CALN1: variants seen among roughly 807,000 people sequenced by gnomAD.
CALN1 encodes calneuron 1.
In CALN1, 17 loss-of-function variants were observed where a neutral mutation model predicts 30.6. The observed-to-expected ratio is 0.56, with a 90% CI of 0.38 to 0.83. The LOEUF is 0.83. Ranked by LOEUF, CALN1 falls within the 40% of genes least tolerant of loss-of-function variation. The pLI is 0.00. For missense variants in CALN1, 291 were observed against 354.9 expected (o/e 0.82, Z 1.45); for synonymous variants, 156 against 131.4 (o/e 1.19, Z -1.28).
intron 5 of CALN1, among the ~76,000 whole-genome samples, chr7:71,971,499 C>G (rs538692918): frequency 6.6e-6 from 1 of 152,052 alleles, no homozygotes; most frequent in Non-Finnish European, 1.5e-5. Context: ...TTACTGAGAC[C>G]CTTGTATGTG....
intron 5 of CALN1, among the ~76,000 whole-genome samples, chr7:71,993,503 C>CT (rs1158435966): frequency 2.0e-5 from 3 of 149,826 alleles, no homozygotes; most frequent in African/African-American, 7.4e-5. Context: ...GTCACCCAGG[C>CT]TGGAGTGCAG....
intron 2 of CALN1, among the ~76,000 whole-genome samples, chr7:72,387,619 T>TA (rs1805315022): frequency 6.6e-6 from 1 of 152,142 alleles, no homozygotes; most frequent in African/African-American, 2.4e-5. Flanking sequence ...CACCCCAGTC[T>TA]AATCATGAGA....
chr7:71,790,359 G>GA (rs1171132315), intron 6 of CALN1, among the ~76,000 whole-genome samples: 3 of 95,460 alleles, frequency 3.1e-5, no homozygotes, highest in Middle Eastern at 5.2e-3. Context: ...AAGAAAGAAA[G>GA]AAAGAAAGAA....
intron 4 of CALN1, among the ~76,000 whole-genome samples, chr7:72,028,478 A>G (rs763899356): frequency 4.2e-4 from 64 of 152,206 alleles, no homozygotes; most frequent in Non-Finnish European, 7.9e-4. Context: ...CAAAGGGAGC[A>G]GCTCATTTGC....
intron 3 of CALN1, among the ~76,000 whole-genome samples, chr7:72,142,834 C>T (rs1222504305): frequency 2.0e-5 from 3 of 152,152 alleles, no homozygotes; most frequent in Admixed American, 1.3e-4. Context: ...CGCTGTTCTG[C>T]AGCCTCCGCT....
intron 2 of CALN1, among the ~76,000 whole-genome samples, chr7:72,343,091 G>T (rs1173313260): frequency 6.6e-6 from 1 of 152,172 alleles, no homozygotes. Context: ...CTGGCTTTGG[G>T]ATTGAGCAAT....
chr7:71,811,200 T>G (rs1787935356), intron 5 of CALN1, among the ~76,000 whole-genome samples: 1 of 151,852 alleles, frequency 6.6e-6, no homozygotes, highest in Non-Finnish European at 1.5e-5. Context: ...CCCGGCCTAA[T>G]TATGTATCGT....
At chr7:71,798,615 C>CTTTT (rs34161533) in intron 6 of CALN1, among the ~76,000 whole-genome samples, 12 of 114,822 alleles carry the variant, frequency 1.0e-4, no homozygotes, top group African/African-American at 2.8e-4. Context: ...TGGTAAGAGT[C>CTTTT]TTTTTTTTTT....
intron 5 of CALN1, among the ~76,000 whole-genome samples, chr7:71,818,518 GTTTGTT>G (rs1043397259): frequency 4.6e-5 from 7 of 151,880 alleles, no homozygotes; most frequent in African/African-American, 1.7e-4. Context: ...ATTGTATTTT[GTTTGTT>G]TTTATTTTTT....
the CALN1 span, among the ~76,000 whole-genome samples, chr7:72,497,004 T>C: frequency 1.5e-4 from 23 of 152,278 alleles, no homozygotes; most frequent in African/African-American, 4.3e-4. Flanking sequence ...AAAATCCTTA[T>C]GTAAGTACGC....
chr7:72,367,275 C>A (rs1032882460), intron 2 of CALN1, among the ~76,000 whole-genome samples: 16 of 151,872 alleles, frequency 1.1e-4, no homozygotes, highest in Non-Finnish European at 2.2e-4. Context: ...CTGCTTGAGG[C>A]CAGGAGTTCG....
intron 3 of CALN1, among the ~76,000 whole-genome samples, chr7:72,252,130 G>A (rs574549862): frequency 5.9e-5 from 9 of 152,138 alleles, no homozygotes; most frequent in Admixed American, 2.0e-4. Flanking sequence ...GACTCAACAC[G>A]TTCAATACTG....
chr7:72,334,766 CA>C (rs1396911482), intron 2 of CALN1, among the ~76,000 whole-genome samples: 1 of 152,188 alleles, frequency 6.6e-6, no homozygotes, highest in Non-Finnish European at 1.5e-5. Flanking sequence ...ATTGGATTTC[CA>C]AAGAGTTTTG....
chr7:72,309,682 C>T (rs1299276706), intron 2 of CALN1, among the ~76,000 whole-genome samples: 3 of 152,082 alleles, frequency 2.0e-5, no homozygotes, highest in Admixed American at 6.5e-5. Flanking sequence ...CAAGGTCCCC[C>T]GCTGTGCACT....
At chr7:71,840,499 A>G (rs1789875141) in intron 5 of CALN1, among the ~76,000 whole-genome samples, 1 of 151,284 alleles carries the variant, frequency 6.6e-6, no homozygotes, top group East Asian at 1.9e-4. Context: ...AAAAAAAAAA[A>G]AAAAAAAAAA....
chr7:71,817,441 AC>A (rs1788330278), intron 5 of CALN1, among the ~76,000 whole-genome samples: 1 of 152,190 alleles, frequency 6.6e-6, no homozygotes, highest in African/African-American at 2.4e-5. Context: ...ATTTTTGGAA[AC>A]CTAAGGAATT....
chr7:72,265,601 G>A (rs1021824375), intron 3 of CALN1, among the ~76,000 whole-genome samples: 3 of 152,012 alleles, frequency 2.0e-5, no homozygotes, highest in Admixed American at 1.3e-4. Context: ...ATGCATTTCT[G>A]TTGAAAATGA....
At chr7:72,014,155 C>G (rs1190594697) in intron 5 of CALN1, among the ~76,000 whole-genome samples, 1 of 146,718 alleles carries the variant, frequency 6.8e-6, no homozygotes, top group Admixed American at 6.9e-5. Context: ...GGCTTGGTCT[C>G]AGCTCACTGC....
chr7:71,870,941 G>A (rs1439594233), intron 5 of CALN1, among the ~76,000 whole-genome samples: 3 of 152,122 alleles, frequency 2.0e-5, no homozygotes, highest in African/African-American at 7.2e-5. Flanking sequence ...ACTTCCTATA[G>A]GCAAGGGACG....
Sources: allele counts gnomAD v4.1 joint callset (sites outside exome capture counted in the v4.1 genomes callset), GRCh38; gene constraint gnomAD v4.1.1; transcripts MANE v1.5; gene names NCBI Gene and HGNC (gene_info 2026-07-23, HGNC 2026-07-21).